The following NBAS variants were observed in gnomAD, a reference collection of about 807,000 sequenced individuals.
The protein encoded by NBAS is NBAS subunit of NRZ tethering complex, also known as NAG/BC035112 fusion.
Under a neutral mutation model 302.5 loss-of-function variants are expected in NBAS, and 219 were observed. The observed-to-expected ratio is 0.72, with a 90% CI of 0.65 to 0.81. The LOEUF (loss-of-function observed/expected upper bound fraction) is 0.81, where lower values mean the gene tolerates loss of function less well. Ranked by LOEUF, NBAS falls within the 30% of genes least tolerant of loss-of-function variation. The probability of loss-of-function intolerance (pLI) is 0.00; values close to 1 mark genes in which losing one functional copy is unlikely to be tolerated. For synonymous variants in NBAS, 1,118 were observed against 1,021.6 expected, an observed-to-expected ratio of 1.09 and a Z score of -1.80; for missense variants, 2,932 against 2,841.6, an observed-to-expected ratio of 1.03 and a Z score of -0.72.
chr2:14,909,403 C>CCTA, the NBAS span, among the ~76,000 whole-genome samples: 1 of 97,330 alleles, frequency 1.0e-5, no homozygotes, highest in Non-Finnish European at 2.2e-5. Flanking sequence ...TTCCCACATA[C>CCTA]CTACACTGGA....
the NBAS span, among the ~76,000 whole-genome samples, chr2:14,855,169 G>A: frequency 6.6e-6 from 1 of 152,006 alleles, no homozygotes; most frequent in Non-Finnish European, 1.5e-5. Context: ...CACACCCTGG[G>A]ACAGAAAGGA....
At chr2:15,046,759 T>C in the NBAS span, among the ~76,000 whole-genome samples, 1 of 152,158 alleles carries the variant, frequency 6.6e-6, no homozygotes, top group African/African-American at 2.4e-5. Flanking sequence ...GTCTGGAACC[T>C]GGTGAATGGG....
chr2:15,520,527 TTC>T (rs1662614183), intron 9 of NBAS, among the ~76,000 whole-genome samples: 1 of 152,122 alleles, frequency 6.6e-6, no homozygotes, highest in Non-Finnish European at 1.5e-5. Context: ...CCAGAAAACA[TTC>T]TGTGTAAAAG....
intron 11 of NBAS, among the ~76,000 whole-genome samples, chr2:15,490,316 T>A (rs1435898494): frequency 6.6e-6 from 1 of 152,138 alleles, no homozygotes; most frequent in Non-Finnish European, 1.5e-5. Flanking sequence ...ATGAAAAGAT[T>A]AGCATCCTCT....
Position 15,396,467 on chromosome 2 carries a change from G to T in NBAS, c.3080C>A (p.Thr1027Lys). The T allele has an allele frequency of 6.3e-7, 1 of 1,582,064 alleles. No homozygotes were observed. The highest frequency in any genetic ancestry group is 1.8e-5 in the Admixed American group (1 of 54,854). Residue 1027 changes from threonine to lysine, a missense_variant, in exon 27 of 52, where the codon ACA (threonine) becomes AAA (lysine). Transcript: ENST00000281513. Reference protein sequence around the residue: ...CLPERGYGDKTEATTKLHDMV... With the variant: ...CLPERGYGDKKEATTKLHDMV... ...GTCATGAAGCTTTGTGGTTGCCTCT[G>T]TCTTATCACTAATAAATTAAAAGAA...
chr2:15,095,126 T>G, the NBAS span, among the ~76,000 whole-genome samples: 2 of 152,158 alleles, frequency 1.3e-5, no homozygotes, highest in Non-Finnish European at 2.9e-5. Flanking sequence ...GAGGTGGCCC[T>G]GCTTATTTTT....
intron 9 of NBAS, among the ~76,000 whole-genome samples, chr2:15,515,286 A>G (rs1160323966): frequency 6.6e-6 from 1 of 152,232 alleles, no homozygotes; most frequent in Non-Finnish European, 1.5e-5. Context: ...TAGTGGCACA[A>G]AAGATGACAG....
At chr2:14,923,992 C>T in the NBAS span, among the ~76,000 whole-genome samples, 4 of 152,160 alleles carry the variant, frequency 2.6e-5, no homozygotes, top group Non-Finnish European at 5.9e-5. Context: ...CTACACTTCC[C>T]TCCCCTGGCT....
intron 6 of NBAS, among the ~76,000 whole-genome samples, chr2:15,539,742 A>C (rs1663707617): frequency 6.6e-6 from 1 of 152,208 alleles, no homozygotes; most frequent in Non-Finnish European, 1.5e-5. Context: ...ACTCCTCTAA[A>C]AGCAAAAAAT....
chr2:15,073,341 T>C, the NBAS span, among the ~76,000 whole-genome samples: 32 of 151,672 alleles, frequency 2.1e-4, no homozygotes, highest in African/African-American at 6.3e-4. Context: ...TAGCTGGGCG[T>C]GGTGGCAGGT....
At chr2:15,349,920 T>G (rs1673270016) in intron 35 of NBAS, among the ~76,000 whole-genome samples, 1 of 152,198 alleles carries the variant, frequency 6.6e-6, no homozygotes, top group Non-Finnish European at 1.5e-5. Context: ...ATGACATATT[T>G]CCTTCACTGA....
At chr2:15,249,750 A>T (rs556311455) in intron 44 of NBAS, among the ~76,000 whole-genome samples, 1 of 152,256 alleles carries the variant, frequency 6.6e-6, no homozygotes, top group South Asian at 2.1e-4. Flanking sequence ...TACAACTTAC[A>T]AGGGATGTGA....
At chr2:14,945,873 G>T in the NBAS span, among the ~76,000 whole-genome samples, 4 of 152,188 alleles carry the variant, frequency 2.6e-5, no homozygotes, top group African/African-American at 9.7e-5. Context: ...TTGAGGCCAG[G>T]AGTTCAAGAC....
the NBAS span, among the ~76,000 whole-genome samples, chr2:14,815,922 T>C: frequency 7.9e-5 from 12 of 152,184 alleles, no homozygotes; most frequent in African/African-American, 2.7e-4. Context: ...TCCTCACACA[T>C]TGGTAATTAA....
chr2:14,834,061 G>A, the NBAS span, among the ~76,000 whole-genome samples: 3 of 152,062 alleles, frequency 2.0e-5, no homozygotes, highest in South Asian at 6.2e-4. Flanking sequence ...ATCATGACTT[G>A]ATTATATCTC....
chr2:15,022,907 G>T, the NBAS span, among the ~76,000 whole-genome samples: 1 of 151,796 alleles, frequency 6.6e-6, no homozygotes, highest in Admixed American at 6.6e-5. Context: ...TTATATGAAT[G>T]ATATTACATG....
At chr2:15,438,399 C>T (rs1678138308) in intron 21 of NBAS, among the ~76,000 whole-genome samples, 1 of 152,152 alleles carries the variant, frequency 6.6e-6, no homozygotes, top group Non-Finnish European at 1.5e-5. Context: ...AAAAGATCAG[C>T]TCAGGAAAAT....
At chr2:15,139,007 A>AT in the NBAS span, among the ~76,000 whole-genome samples, 1 of 151,994 alleles carries the variant, frequency 6.6e-6, no homozygotes, top group Non-Finnish European at 1.5e-5. Context: ...TTTTCTGCTG[A>AT]TTTTTTGTTT....
chr2:14,884,658 C>G, the NBAS span, among the ~76,000 whole-genome samples: 1 of 152,138 alleles, frequency 6.6e-6, no homozygotes, highest in Non-Finnish European at 1.5e-5. Context: ...CTGTGGTAAG[C>G]AACACAGCCC....
Sources: allele counts gnomAD v4.1 joint callset (sites outside exome capture counted in the v4.1 genomes callset), GRCh38; gene constraint gnomAD v4.1.1; transcripts MANE v1.5; gene names NCBI Gene and HGNC (gene_info 2026-07-23, HGNC 2026-07-21).